Variants in RILPL1 observed in about 807,000 individuals in gnomAD.
RILPL1 encodes the protein Rab interacting lysosomal protein like 1, also known as RILP-like protein 1.
A neutral mutation model predicts 50.3 loss-of-function variants in RILPL1; 33 were observed. That is an observed-to-expected ratio of 0.66 (90% CI 0.50 to 0.88). RILPL1 has a LOEUF of 0.88. Ranked by LOEUF, RILPL1 falls within the 40% of genes least tolerant of loss-of-function variation. RILPL1 has a pLI of 0.00. For missense variants in RILPL1, 418 were observed against 542.5 expected, an observed-to-expected ratio of 0.77 and a Z score of 2.28; for synonymous variants, 205 against 228.6, an observed-to-expected ratio of 0.90 and a Z score of 0.93.
intron 2 of RILPL1, among the ~76,000 whole-genome samples, chr12:123,500,266 A>C (rs1593563072): frequency 1.6e-5 from 2 of 121,428 alleles, no homozygotes; most frequent in Non-Finnish European, 1.7e-5. Flanking sequence ...TACAGTTCCT[A>C]TGTGTCCCTT....
At chr12:123,520,916 C>A (rs138541268) in intron 2 of RILPL1, among the ~76,000 whole-genome samples, 1 of 152,202 alleles carries the variant, frequency 6.6e-6, no homozygotes, top group Non-Finnish European at 1.5e-5. Flanking sequence ...CCCCACCAGC[C>A]TTAACCACAG....
chr12:123,472,734 A>G, intron 6 of RILPL1, 52 bp from the exon 7 acceptor site: 1 of 1,565,798 alleles, frequency 6.4e-7, no homozygotes, highest in African/African-American at 1.4e-5. Context: ...TTGCTGTGCA[A>G]GTCACGTTTT....
chr12:123,473,842 A>AG (rs1491581056), intron 6 of RILPL1: 4 of 104,120 alleles, frequency 3.8e-5, no homozygotes, highest in Non-Finnish European at 9.3e-5. Context: ...AAAAAACAAA[A>AG]GAAAAAAAAA....
chr12:123,494,047 A>G (rs1441580583), intron 4 of RILPL1, among the ~76,000 whole-genome samples: 1 of 151,928 alleles, frequency 6.6e-6, no homozygotes, highest in African/African-American at 2.4e-5. Flanking sequence ...GGCCTCCCCA[A>G]GTGCTGGGAT....
intron 5 of RILPL1, chr12:123,484,782 A>G: frequency 4.4e-6 from 1 of 229,046 alleles, no homozygotes; most frequent in Non-Finnish European, 8.8e-6. Flanking sequence ...TCAGCCTCCC[A>G]AGTGGCTGGG....
intron 2 of RILPL1, chr12:123,515,301 CAAAAT>C (rs1318844850): frequency 2.0e-5 from 3 of 151,764 alleles, no homozygotes; most frequent in African/African-American, 4.8e-5. Context: ...ATTTTGAAAA[CAAAAT>C]AAACAAATTT....
rs1463218042 is a variant in RILPL1 at position 123,512,907 on chromosome 12, C to T, written c.460+10588G>A. Reference sequence around the variant, plus strand: ...GTGTGTGGTGTGTGCAGTGTGAGTGCGTGTATGTGTGTGGTGACATCTGTG... The same window carrying T: ...GTGTGTGGTGTGTGCAGTGTGAGTGTGTGTATGTGTGTGGTGACATCTGTG... On this transcript the variant is annotated intron_variant, in intron 2 of 6. Coordinates refer to ENST00000376874, the MANE Select transcript of RILPL1 (RefSeq NM_178314.5). Among the ~76,000 whole-genome samples, 8 of 69,044 alleles carry T rather than the reference C, an allele frequency of 1.2e-4. No individual in the cohort carries two copies. In the East Asian group the frequency reaches 3.4e-3, roughly 29 times the overall value. 45.3% of individuals were successfully genotyped at this position (69,044 alleles called of 152,430 possible).
intron 1 of RILPL1, among the ~76,000 whole-genome samples, chr12:123,532,243 G>A (rs1383313243): frequency 6.6e-6 from 1 of 152,208 alleles, no homozygotes; most frequent in Non-Finnish European, 1.5e-5. Flanking sequence ...TGAAGGGGCT[G>A]CCAAGAGCAT....
chr12:123,528,859 A>G (rs1057879), intron 1 of RILPL1, among the ~76,000 whole-genome samples: 84,385 of 151,858 alleles, frequency 0.56, 25,439 homozygotes, highest in East Asian at 0.9. Context: ...TTGACCACTC[A>G]GAATCTCATG....
At chr12:123,525,944 CAAAA>C (rs947867737) in intron 1 of RILPL1, among the ~76,000 whole-genome samples, 5 of 146,592 alleles carry the variant, frequency 3.4e-5, no homozygotes, top group African/African-American at 5.1e-5. Context: ...AACAAACAAA[CAAAA>C]AAACGGTACT....
chr12:123,495,845 T>A (rs1883001163), intron 4 of RILPL1, among the ~76,000 whole-genome samples: 1 of 150,374 alleles, frequency 6.7e-6, no homozygotes, highest in South Asian at 2.1e-4. Context: ...CATGCCTGGC[T>A]AATTTTTTGT....
In RILPL1 at chr12:123,533,127, C is replaced by A. The variant is rs1321790098; in HGVS notation, c.309+47G>T. On this transcript the variant is annotated intron_variant, in intron 1 of 6. Coordinates refer to ENST00000376874, the MANE Select transcript of RILPL1 (RefSeq NM_178314.5). The surrounding 1 kb of genome is among the most constrained non-coding windows in gnomAD (Gnocchi z 6.2). ...GCCCAATGCGGAAGAGCCCTTGGGT[C>A]CCCGCGGTCCCACTGCCCGGACGGA... 6.8e-7 allele frequency: 1 copy of A among 1,478,790 alleles called. No homozygotes were observed. The highest frequency in any genetic ancestry group is 2.1e-5 in the Admixed American group (1 of 47,842). 91.6% of individuals were successfully genotyped at this position (1,478,790 alleles called of 1,614,324 possible).
chr12:123,532,707 G>GGT (rs1555270623), intron 1 of RILPL1, among the ~76,000 whole-genome samples: 2,154 of 121,912 alleles, frequency 0.018, 288 homozygotes, highest in African/African-American at 0.062. Flanking sequence ...GGAGACTGGG[G>GGT]GGGGGGGGGA....
Position 123,522,989 on chromosome 12 carries a change from G to A in RILPL1, c.460+506C>T, listed in dbSNP as rs117750158. ...CGACCCAACAAATGCAGATATTTGC[G>A]TGGCTCACTCTGTTACTTCATTAGG... On this transcript the variant is annotated intron_variant, in intron 2 of 6. Transcript: ENST00000376874. The surrounding 1 kb of genome is among the most constrained non-coding windows in gnomAD (Gnocchi z 4.0). 3.0e-3 allele frequency among the ~76,000 whole-genome samples: 454 copies of A among 152,168 alleles called. 3 individuals carry two copies. Among genetic ancestry groups the A allele is most frequent in the Non-Finnish European group, 4.5e-3 (309 of 67,984 alleles).
Position 123,485,627 on chromosome 12 carries a change from A to G in RILPL1, c.974+6T>C, listed in dbSNP as rs1271299145. 8 of 1,613,348 alleles carry G rather than the reference A, an allele frequency of 5.0e-6. No homozygotes were observed. Among genetic ancestry groups the G allele is most frequent in the Non-Finnish European group, 6.8e-6 (8 of 1,179,592 alleles). On this transcript the variant is annotated splice_donor_region_variant and intron_variant, in intron 5 of 6. Transcript: ENST00000376874. This position sits in a 1 kb window ranked among gnomAD's most constrained non-coding sequence, Gnocchi z 4.0. ...GCTCGGGCCATCCAGCCCCAGGGAC[A>G]CTTGCCTCTTATAGTAAGCCAGCTC...
rs369529813 is a variant in RILPL1, at chr12:123,479,049, T to C, written c.1067+5131A>G. On this transcript the variant is annotated intron_variant, in intron 6 of 6. Coordinates refer to ENST00000376874, the MANE Select transcript of RILPL1 (RefSeq NM_178314.5). ...TGTGAAGTCTGACGCCTGTGACTCA[T>C]GATGCACTGTGCAGACAAGGGGCCA... Among the ~76,000 whole-genome samples, 5 of 151,800 alleles carry C rather than the reference T, an allele frequency of 3.3e-5. No individual in the cohort carries two copies. In the South Asian group the frequency reaches 6.2e-4, roughly 19 times the overall value.
chr12:123,494,794 T>C (rs540085779), intron 4 of RILPL1, among the ~76,000 whole-genome samples: 1 of 152,310 alleles, frequency 6.6e-6, no homozygotes, highest in Admixed American at 6.5e-5. Flanking sequence ...ACAAGCTCCT[T>C]CCCTGTCCTC....
chr12:123,533,025 C>T lies in RILPL1; in HGVS notation c.309+149G>A. Reference sequence around the variant, plus strand: ...CCACCCCTGGTCGGGCAAAAGAAGGCCAGGGCCTCCCTCCCTCCCCACGTC... The same window carrying T: ...CCACCCCTGGTCGGGCAAAAGAAGGTCAGGGCCTCCCTCCCTCCCCACGTC... On this transcript the variant is annotated intron_variant, in intron 1 of 6. Coordinates refer to ENST00000376874, the MANE Select transcript of RILPL1 (RefSeq NM_178314.5). This position sits in a 1 kb window ranked among gnomAD's most constrained non-coding sequence, Gnocchi z 6.2. 2 of 845,368 alleles carry T rather than the reference C, an allele frequency of 2.4e-6. No individual in the cohort carries two copies. Among genetic ancestry groups the T allele is most frequent in the Non-Finnish European group, 3.5e-6 (2 of 564,712 alleles). 52.4% of individuals were successfully genotyped at this position (845,368 alleles called of 1,614,324 possible). A position where few individuals can be genotyped will look rare whatever the true frequency, so the allele number is the denominator to read the frequency against.
rs372685997 is a variant in RILPL1, at chr12:123,495,502, G to A, written c.801+3042C>T. 1.0e-4 allele frequency among the ~76,000 whole-genome samples: 15 copies of A among 150,638 alleles called. 1 individual carries two copies. The highest frequency in any genetic ancestry group is 3.4e-4 in the African/African-American group (14 of 40,884). ...CCATTCTCCTGCCTCAGCCTCCCGA[G>A]TAGCTGGGACTACAGGTGTCCACCA... On this transcript the variant is annotated intron_variant, in intron 4 of 6. Coordinates refer to ENST00000376874, the MANE Select transcript of RILPL1 (RefSeq NM_178314.5).
Sources: allele counts gnomAD v4.1 joint callset (sites outside exome capture counted in the v4.1 genomes callset), GRCh38; gene constraint gnomAD v4.1.1; non-coding constraint Gnocchi (gnomAD v3.1); transcripts MANE v1.5; gene names NCBI Gene and HGNC (gene_info 2026-07-23, HGNC 2026-07-21).